The following PIK3C2G variants were observed in gnomAD, a reference collection of about 807,000 sequenced individuals.
PIK3C2G encodes phosphatidylinositol-4-phosphate 3-kinase catalytic subunit type 2 gamma.
In PIK3C2G, 168 loss-of-function variants were observed where a neutral mutation model predicts 181.1. The observed-to-expected ratio is 0.93, with a 90% CI of 0.82 to 1.05. PIK3C2G has a LOEUF of 1.05. Ranked by LOEUF, PIK3C2G falls within the 50% of genes least tolerant of loss-of-function variation. The probability of loss-of-function intolerance (pLI) is 0.00; values close to 1 mark genes in which losing one functional copy is unlikely to be tolerated. For synonymous variants in PIK3C2G, 573 were observed against 592.2 expected (o/e 0.97, Z 0.47); for missense variants, 1,869 against 1,732.8 (o/e 1.08, Z -1.40).
chr12:18,592,859 A>G (rs1011037543), intron 29 of PIK3C2G, among the ~76,000 whole-genome samples: 6 of 151,958 alleles, frequency 3.9e-5, no homozygotes, highest in African/African-American at 1.4e-4. Flanking sequence ...AATCCAGGAC[A>G]CAGGTAAAGG....
chr12:18,525,983 A>G (rs1194749645), intron 24 of PIK3C2G, among the ~76,000 whole-genome samples: 2 of 152,208 alleles, frequency 1.3e-5, no homozygotes, highest in Non-Finnish European at 2.9e-5. Context: ...CAGCATTTTC[A>G]TCCCAATACT....
At chr12:18,454,366 G>T (rs536861657) in intron 18 of PIK3C2G, among the ~76,000 whole-genome samples, 2 of 152,168 alleles carry the variant, frequency 1.3e-5, no homozygotes, top group African/African-American at 4.8e-5. Context: ...AAGCACTGGA[G>T]TAAAGATATT....
chr12:18,333,029 A>G (rs1489893871), intron 8 of PIK3C2G, among the ~76,000 whole-genome samples: 2 of 152,124 alleles, frequency 1.3e-5, no homozygotes, highest in African/African-American at 4.8e-5. Context: ...CCTTTAAAAA[A>G]TCTGTTAAAT....
At chr12:18,546,874 T>C (rs1944458137) in intron 26 of PIK3C2G, among the ~76,000 whole-genome samples, 1 of 152,032 alleles carries the variant, frequency 6.6e-6, no homozygotes, top group Admixed American at 6.6e-5. Context: ...CTATTTTTTA[T>C]TAAACAAGTC....
At chr12:18,616,018 A>G (rs944939213) in intron 31 of PIK3C2G, among the ~76,000 whole-genome samples, 7 of 152,070 alleles carry the variant, frequency 4.6e-5, no homozygotes, top group South Asian at 2.1e-4. Context: ...CACTCATTCT[A>G]TCTGACTAGG....
intron 29 of PIK3C2G, among the ~76,000 whole-genome samples, chr12:18,570,109 G>A (rs866830754): frequency 6.6e-6 from 1 of 152,080 alleles, no homozygotes; most frequent in African/African-American, 2.4e-5. Context: ...TGTCATAAAT[G>A]TGTGAATCTT....
chr12:18,439,518 T>C (rs1450269654), intron 18 of PIK3C2G, among the ~76,000 whole-genome samples: 3 of 152,040 alleles, frequency 2.0e-5, no homozygotes, highest in Non-Finnish European at 4.4e-5. Flanking sequence ...ACCTCTGACT[T>C]CTTCAAGTTC....
At chr12:18,390,890 G>A (rs1046867042) in intron 14 of PIK3C2G, among the ~76,000 whole-genome samples, 8 of 151,898 alleles carry the variant, frequency 5.3e-5, no homozygotes, top group African/African-American at 1.9e-4. Context: ...CAACATTACC[G>A]GTGACCCATC....
At chr12:18,297,097 G>C (rs1949972278) in intron 5 of PIK3C2G, among the ~76,000 whole-genome samples, 1 of 151,854 alleles carries the variant, frequency 6.6e-6, no homozygotes, top group African/African-American at 2.4e-5. Flanking sequence ...CTTTCCTATT[G>C]AATGTAGCAC....
intron 29 of PIK3C2G, among the ~76,000 whole-genome samples, chr12:18,571,100 T>C (rs1024995061): frequency 2.0e-5 from 3 of 150,924 alleles, no homozygotes; most frequent in Non-Finnish European, 2.9e-5. Context: ...TGATATACAA[T>C]ACCATATTTT....
intron 27 of PIK3C2G, 45 bp downstream of exon 27, chr12:18,562,937 T>C (rs1462503352): frequency 2.4e-6 from 3 of 1,271,778 alleles, no homozygotes; most frequent in Non-Finnish European, 3.4e-6. Flanking sequence ...CACTTGACTT[T>C]ATCTCAGACT....
chr12:18,526,644 T>C (rs1943250639), intron 24 of PIK3C2G, among the ~76,000 whole-genome samples: 1 of 152,202 alleles, frequency 6.6e-6, no homozygotes, highest in Non-Finnish European at 1.5e-5. Context: ...TGTTTGTTTG[T>C]TTTGGTTTTG....
At position 18,286,875 on chromosome 12, in the gene PIK3C2G, A is replaced by G; in HGVS notation, c.707A>G (p.Glu236Gly). Residue 236 changes from glutamate (E) to glycine (G), a missense_variant, in exon 3 of 33, where the codon GAA becomes GGA. Coordinates refer to ENST00000538779, the MANE Select transcript of PIK3C2G (RefSeq NM_001288772.2). ...ESIGCSIQLV[E>G]VPQSSNTSLA... ...ATAGGTTGTTCCATTCAGCTAGTGG[A>G]AGTACCTCAAAGCAGCAATACGAGT... 6.4e-7 allele frequency: 1 copy of G among 1,570,524 alleles called. No homozygotes were observed. Among genetic ancestry groups the G allele is most frequent in the Non-Finnish European group, 8.6e-7 (1 of 1,156,202 alleles).
chr12:18,521,376 A>G (rs748027756), intron 24 of PIK3C2G, among the ~76,000 whole-genome samples: 2 of 152,226 alleles, frequency 1.3e-5, no homozygotes, highest in East Asian at 3.9e-4. Flanking sequence ...TGGCCTGCCG[A>G]ATCTGTGGCT....
At chr12:18,292,227 A>AAAAAAAAAAAATATATATAT in intron 4 of PIK3C2G, among the ~76,000 whole-genome samples, 1 of 48,748 alleles carries the variant, frequency 2.1e-5, no homozygotes, top group Non-Finnish European at 3.3e-5. Flanking sequence ...AAAAAAAAAA[A>AAAAAAAAAAAATATATATAT]ATATATATAT....
chr12:18,693,702 C>T, the PIK3C2G span: 5 of 1,563,778 alleles, frequency 3.2e-6, no homozygotes, highest in Admixed American at 1.7e-5. Flanking sequence ...CAGCGAACAA[C>T]GTTGGAACTG....
intron 16 of PIK3C2G, among the ~76,000 whole-genome samples, chr12:18,411,815 G>A (rs1193159652): frequency 6.6e-6 from 1 of 151,990 alleles, no homozygotes; most frequent in Non-Finnish European, 1.5e-5. Flanking sequence ...ACTCAAAGTT[G>A]CTTTTTTAAA....
At chr12:18,684,673 T>C in the PIK3C2G span, among the ~76,000 whole-genome samples, 2 of 152,102 alleles carry the variant, frequency 1.3e-5, no homozygotes, top group African/African-American at 4.8e-5. Flanking sequence ...ATATGACTGA[T>C]GTACTTAGGC....
intron 16 of PIK3C2G, among the ~76,000 whole-genome samples, chr12:18,420,431 C>T (rs1311089830): frequency 6.6e-6 from 1 of 152,132 alleles, no homozygotes; most frequent in Non-Finnish European, 1.5e-5. Context: ...CTTTCAAGAA[C>T]TTCACAGTCT....
Sources: gnomAD v4.1 joint callset for allele counts (sites outside exome capture counted in the v4.1 genomes callset) on GRCh38, gnomAD v4.1.1 for gene constraint, MANE v1.5 for transcripts, NCBI Gene and HGNC (gene_info 2026-07-23, HGNC 2026-07-21) for gene names.